RTL4: variants seen among roughly 807,000 people sequenced by gnomAD.
RTL4 encodes the protein retrotransposon Gag-like protein 4.
A neutral mutation model predicts 5.3 loss-of-function variants in RTL4; 4 were observed. That is an observed-to-expected ratio of 0.75 (90% CI 0.37 to 1.72). The LOEUF is 1.72. RTL4 is among the 40% of genes most tolerant of loss of function. The pLI, the probability that RTL4 is intolerant of heterozygous loss-of-function variation, is 0.04. For synonymous variants in RTL4, 98 were observed against 87.3 expected (o/e 1.12, Z -0.68); for missense variants, 260 against 227.1 (o/e 1.14, Z -0.93).
At chrX:112,442,770 T>A in the RTL4 span, among the ~76,000 whole-genome samples, 64 of 111,019 alleles carry the variant, frequency 5.8e-4, 1 homozygote, top group East Asian at 1.0e-2. Context: ...CTTATTTTTT[T>A]AATAATTTTT....
the RTL4 span, among the ~76,000 whole-genome samples, chrX:112,241,075 A>G: frequency 9.0e-6 from 1 of 111,484 alleles, no homozygotes; most frequent in South Asian, 3.8e-4. Flanking sequence ...TCATTGATGG[A>G]CATTTGGGTT....
the RTL4 span, among the ~76,000 whole-genome samples, chrX:112,425,668 T>C: frequency 8.9e-6 from 1 of 111,898 alleles, no homozygotes; most frequent in Non-Finnish European, 1.9e-5. Context: ...TTTGCAATTC[T>C]CTAATGACAT....
At chrX:112,240,825 C>A in the RTL4 span, among the ~76,000 whole-genome samples, 1 of 110,482 alleles carries the variant, frequency 9.1e-6, no homozygotes, top group Non-Finnish European at 1.9e-5. Flanking sequence ...TCCCTCCCCC[C>A]ACCGCACGAC....
At chrX:112,394,106 G>T in the RTL4 span, among the ~76,000 whole-genome samples, 1 of 111,283 alleles carries the variant, frequency 9.0e-6, no homozygotes, top group Non-Finnish European at 1.9e-5. Context: ...GGTTCCCAGG[G>T]TCTCACATTC....
At chrX:112,293,680 G>T in the RTL4 span, among the ~76,000 whole-genome samples, 1 of 111,571 alleles carries the variant, frequency 9.0e-6, no homozygotes, top group African/African-American at 3.3e-5. Context: ...AAGTACAATG[G>T]CTTCTAATCT....
At chrX:112,332,269 T>A in the RTL4 span, among the ~76,000 whole-genome samples, 3 of 110,626 alleles carry the variant, frequency 2.7e-5, no homozygotes, top group African/African-American at 9.9e-5. Flanking sequence ...TGGAAGACAG[T>A]GTGGCGATTC....
chrX:112,304,831 GC>G, the RTL4 span, among the ~76,000 whole-genome samples: 3 of 108,386 alleles, frequency 2.8e-5, no homozygotes, highest in Non-Finnish European at 5.7e-5. Context: ...CTTTCCTCAT[GC>G]TTCTTTCCTC....
At chrX:112,103,336 G>C in the RTL4 span, among the ~76,000 whole-genome samples, 3 of 111,082 alleles carry the variant, frequency 2.7e-5, no homozygotes, top group Non-Finnish European at 5.7e-5. Context: ...ACCAAATATT[G>C]CATGTTCTTA....
chrX:112,213,524 A>G, the RTL4 span, among the ~76,000 whole-genome samples: 1 of 112,604 alleles, frequency 8.9e-6, no homozygotes, highest in Non-Finnish European at 1.9e-5. Context: ...TTGGTGTCAT[A>G]CAAACATATT....
At chrX:112,330,609 C>A in the RTL4 span, among the ~76,000 whole-genome samples, 4 of 110,727 alleles carry the variant, frequency 3.6e-5, no homozygotes, top group African/African-American at 1.3e-4. Context: ...TCAATGCCAT[C>A]CCCATAAAGC....
chrX:112,375,643 A>T, the RTL4 span, among the ~76,000 whole-genome samples: 1 of 110,907 alleles, frequency 9.0e-6, no homozygotes. Flanking sequence ...CTATTCATGA[A>T]TTTTTTGCTC....
the RTL4 span, among the ~76,000 whole-genome samples, chrX:112,163,638 G>T: frequency 2.9e-4 from 33 of 112,050 alleles, no homozygotes; most frequent in East Asian, 6.2e-3. Flanking sequence ...CATAAACTTT[G>T]GAGTCAGACA....
At chrX:112,185,810 A>G in the RTL4 span, among the ~76,000 whole-genome samples, 1 of 110,558 alleles carries the variant, frequency 9.0e-6, no homozygotes, top group African/African-American at 3.3e-5. Flanking sequence ...CTCAGTCTCA[A>G]TTAAGGTTTG....
chrX:112,457,316 ACAACCACAT>A (rs1451541385), downstream of RTL4, among the ~76,000 whole-genome samples: 4 of 112,149 alleles, frequency 3.6e-5, no homozygotes, highest in Non-Finnish European at 7.5e-5. Flanking sequence ...GGCTCGCTGC[ACAACCACAT>A]TACTCTATAT....
the RTL4 span, among the ~76,000 whole-genome samples, chrX:112,312,346 A>T: frequency 8.9e-6 from 1 of 111,977 alleles, no homozygotes; most frequent in Non-Finnish European, 1.9e-5. Flanking sequence ...TGTCATTAAT[A>T]ATCTACAATT....
the RTL4 span, among the ~76,000 whole-genome samples, chrX:112,114,484 C>T: frequency 1.8e-5 from 2 of 111,938 alleles, no homozygotes; most frequent in African/African-American, 6.5e-5. Flanking sequence ...CGAAGCTTTG[C>T]CCTAGACCAT....
chrX:112,386,891 C>G, the RTL4 span, among the ~76,000 whole-genome samples: 2 of 111,956 alleles, frequency 1.8e-5, no homozygotes, highest in East Asian at 2.8e-4. Flanking sequence ...ATTTCTGGAT[C>G]AAATGGTAGT....
chrX:112,124,484 T>A, the RTL4 span, among the ~76,000 whole-genome samples: 1 of 112,026 alleles, frequency 8.9e-6, no homozygotes, highest in African/African-American at 3.2e-5. Flanking sequence ...TGGAATATTA[T>A]GCAACCATAA....
At chrX:112,255,029 G>A in the RTL4 span, among the ~76,000 whole-genome samples, 4 of 111,793 alleles carry the variant, frequency 3.6e-5, no homozygotes, top group African/African-American at 9.7e-5. Flanking sequence ...TAACTTACAC[G>A]TCTCTCAGTT....
Sources: allele counts gnomAD v4.1 joint callset (sites outside exome capture counted in the v4.1 genomes callset), GRCh38; gene constraint gnomAD v4.1.1; transcripts MANE v1.5; gene names NCBI Gene and HGNC (gene_info 2026-07-23, HGNC 2026-07-21).